NR3C2: variants seen among roughly 807,000 people sequenced by gnomAD.
NR3C2 encodes the protein mineralocorticoid receptor.
NR3C2 carries 15 observed loss-of-function variants against 86.4 expected under a neutral mutation model. The ratio of observed to expected loss-of-function variants is 0.17; its 90% CI spans 0.12 to 0.27. NR3C2 has a LOEUF of 0.27. Ranked by LOEUF, NR3C2 falls within the 10% of genes least tolerant of loss-of-function variation. NR3C2 has a pLI of 1.00. For missense variants in NR3C2, 960 were observed against 1,195.6 expected (o/e 0.80, Z 2.91); for synonymous variants, 458 against 450.5 (o/e 1.02, Z -0.21).
At chr4:148,387,465 A>G (rs1015530203) in intron 2 of NR3C2, among the ~76,000 whole-genome samples, 1 of 152,190 alleles carries the variant, frequency 6.6e-6, no homozygotes, top group Admixed American at 6.6e-5. Context: ...TTTTTTATGG[A>G]TATATCACAT....
chr4:148,263,548 G>A (rs1397415344), intron 2 of NR3C2, among the ~76,000 whole-genome samples: 1 of 152,140 alleles, frequency 6.6e-6, no homozygotes, highest in Non-Finnish European at 1.5e-5. Flanking sequence ...GGTTCTGACT[G>A]TATTACTTCT....
At chr4:148,307,205 T>C (rs898579237) in intron 2 of NR3C2, among the ~76,000 whole-genome samples, 18 of 152,128 alleles carry the variant, frequency 1.2e-4, no homozygotes, top group Admixed American at 4.6e-4. Flanking sequence ...ATGACAACTA[T>C]CATTCAAAGA....
intron 4 of NR3C2, among the ~76,000 whole-genome samples, chr4:148,163,716 A>G (rs1266420515): frequency 6.6e-6 from 1 of 151,766 alleles, no homozygotes; most frequent in Non-Finnish European, 1.5e-5. Flanking sequence ...TTATTAGTGG[A>G]GAAAATAGTA....
chr4:148,352,373 C>CATCTATTT (rs1745326747), intron 2 of NR3C2, among the ~76,000 whole-genome samples: 5 of 146,208 alleles, frequency 3.4e-5, no homozygotes, highest in African/African-American at 1.3e-4. Flanking sequence ...CAACTCCTAT[C>CATCTATTT]ATCTATCTAT....
intron 3 of NR3C2, among the ~76,000 whole-genome samples, chr4:148,244,265 G>A (rs939554503): frequency 4.6e-5 from 7 of 152,146 alleles, no homozygotes; most frequent in Non-Finnish European, 8.8e-5. Flanking sequence ...GGGGTGAGAA[G>A]GGTGTCCATC....
intron 4 of NR3C2, among the ~76,000 whole-genome samples, chr4:148,155,355 T>C (rs143370826): frequency 0.012 from 1,757 of 152,308 alleles, 14 homozygotes; most frequent in Non-Finnish European, 0.02. Flanking sequence ...ATTGTATATC[T>C]AGAAAACCCC....
At chr4:148,193,147 G>C (rs1199871194) in intron 4 of NR3C2, among the ~76,000 whole-genome samples, 1 of 152,214 alleles carries the variant, frequency 6.6e-6, no homozygotes, top group Non-Finnish European at 1.5e-5. Flanking sequence ...AGAGCTCCCA[G>C]GACCTTGCTG....
intron 3 of NR3C2, among the ~76,000 whole-genome samples, chr4:148,229,323 A>AC (rs1226755501): frequency 3.3e-5 from 5 of 152,010 alleles, no homozygotes; most frequent in Non-Finnish European, 7.4e-5. Flanking sequence ...TGTTGGCAGA[A>AC]CCCCCTCTTT....
At chr4:148,232,963 A>T (rs1397390682) in intron 3 of NR3C2, among the ~76,000 whole-genome samples, 1 of 152,194 alleles carries the variant, frequency 6.6e-6, no homozygotes, top group African/African-American at 2.4e-5. Flanking sequence ...AATTGAACAG[A>T]GTTAGGGCCT....
intron 8 of NR3C2, among the ~76,000 whole-genome samples, chr4:148,087,153 A>G (rs1730851417): frequency 1.3e-5 from 2 of 152,216 alleles, no homozygotes; most frequent in African/African-American, 4.8e-5. Flanking sequence ...ATCATTAGTG[A>G]ACTCCCATTC....
upstream of NR3C2, chr4:148,444,012 C>A (rs753677092): frequency 3.5e-5 from 34 of 985,298 alleles, no homozygotes; most frequent in Non-Finnish European, 4.1e-5. Flanking sequence ...GGCGTCCCCG[C>A]AGCCAGGAGT....
At chr4:148,173,177 T>C (rs1176627950) in intron 4 of NR3C2, among the ~76,000 whole-genome samples, 1 of 152,100 alleles carries the variant, frequency 6.6e-6, no homozygotes, top group Non-Finnish European at 1.5e-5. Flanking sequence ...GGTGACAGAG[T>C]GGCAACATGT....
intron 8 of NR3C2, among the ~76,000 whole-genome samples, chr4:148,083,935 C>A (rs535548763): frequency 1.3e-5 from 2 of 151,852 alleles, no homozygotes; most frequent in Non-Finnish European, 2.9e-5. Context: ...GATTTAAGAT[C>A]AACTCAAAGG....
At chr4:148,207,003 C>A (rs536695996) in intron 3 of NR3C2, among the ~76,000 whole-genome samples, 2 of 152,164 alleles carry the variant, frequency 1.3e-5, no homozygotes, top group South Asian at 4.2e-4. Context: ...CTCACTGCAG[C>A]CTTGATCTTC....
chr4:148,380,207 A>G (rs573964253), intron 2 of NR3C2, among the ~76,000 whole-genome samples: 1 of 152,346 alleles, frequency 6.6e-6, no homozygotes, highest in East Asian at 1.9e-4. Flanking sequence ...AAATGGAATC[A>G]GACACTATGT....
intron 2 of NR3C2, among the ~76,000 whole-genome samples, chr4:148,355,051 G>A (rs79610715): frequency 0.011 from 1,643 of 152,178 alleles, 14 homozygotes; most frequent in Middle Eastern, 0.027. Context: ...AGTTTTAATG[G>A]AATTGAACAA....
intron 8 of NR3C2, among the ~76,000 whole-genome samples, chr4:148,083,900 A>T (rs1438858664): frequency 6.6e-6 from 1 of 152,170 alleles, no homozygotes; most frequent in Non-Finnish European, 1.5e-5. Context: ...AGCTGAACTG[A>T]TCAAGCGGAA....
chr4:148,228,183 C>G (rs1033656303), intron 3 of NR3C2, among the ~76,000 whole-genome samples: 3 of 152,172 alleles, frequency 2.0e-5, no homozygotes, highest in African/African-American at 7.2e-5. Flanking sequence ...ATCCCATTAG[C>G]TCCTGGCTGA....
intron 2 of NR3C2, among the ~76,000 whole-genome samples, chr4:148,392,009 T>A (rs1747607836): frequency 6.6e-6 from 1 of 151,294 alleles, no homozygotes; most frequent in African/African-American, 2.4e-5. Context: ...AGATAGTAAA[T>A]TTTTTTTCAA....
Sources: allele counts gnomAD v4.1 joint callset (sites outside exome capture counted in the v4.1 genomes callset), GRCh38; gene constraint gnomAD v4.1.1; transcripts MANE v1.5; gene names NCBI Gene and HGNC (gene_info 2026-07-23, HGNC 2026-07-21).